Variants in PLEKHG3 observed in about 807,000 individuals in gnomAD.
The protein encoded by PLEKHG3 is pleckstrin homology and RhoGEF domain containing G3.
A neutral mutation model predicts 94.9 loss-of-function variants in PLEKHG3; 62 were observed. That is an observed-to-expected ratio of 0.65 (90% confidence interval 0.53 to 0.81). The LOEUF (loss-of-function observed/expected upper bound fraction) is 0.81. PLEKHG3 is among the 30% of genes least tolerant of loss of function. The pLI is 0.00. For synonymous variants in PLEKHG3, 614 were observed against 654.0 expected, an observed-to-expected ratio of 0.94 and a Z score of 0.93; for missense variants, 1,461 against 1,619.3, an observed-to-expected ratio of 0.90 and a Z score of 1.68.
rs1566686649 is a variant in PLEKHG3 at position 64,704,440 on chromosome 14, G to GCTCCCTCGCTCCCTCGCTCCCTCC, written c.-297_-296insGCTCCCTCGCTCCCTCCCTCCCTC. ...CGCTCCCTCGCTCCCTCGCTCCCTC[G>GCTCCCTCGCTCCCTCGCTCCCTCC]CTCCCTCCTGCCCTCCCGCTGCAGC... On this transcript the variant is annotated 5_prime_UTR_variant, in exon 1 of 17. Transcript: ENST00000247226. This position sits in a 1 kb window ranked among gnomAD's most constrained non-coding sequence, Gnocchi z 5.6. The GCTCCCTCGCTCCCTCGCTCCCTCC allele has an allele frequency of 4.4e-5, 6 of 137,188 alleles. No individual in the cohort carries two copies. The highest frequency in any genetic ancestry group is 1.3e-4 in the African/African-American group (4 of 31,520). The allele number at this position is 137,188 out of a possible 1,614,324, so 8.5% of individuals were successfully genotyped here.
rs2081779523 is a variant in PLEKHG3, at chr14:64,744,148, TA to T, written c.*447del. 1 of 157,076 alleles carries T rather than the reference TA, an allele frequency of 6.4e-6. No homozygotes were observed. The highest frequency in any genetic ancestry group is 6.4e-5 in the Admixed American group (1 of 15,554). The allele number at this position is 157,076 out of a possible 1,614,324, so 9.7% of individuals were successfully genotyped here. On this transcript the variant is annotated 3_prime_UTR_variant, in exon 17 of 17. Coordinates refer to ENST00000247226, the MANE Select transcript of PLEKHG3 (RefSeq NM_001308147.2). ...AGGGTCCAGGCAGGAATGAAGCCAA[TA>T]ATTTATTGCTTTCCATTCTGTGGTA...
chr14:64,742,355 G>C lies in PLEKHG3; in HGVS notation c.2838G>C (p.Arg946Ser), dbSNP rs2081720145. ...RIKSNKPVMARPPLQWEKVAP... is the reference protein window; with the variant it reads ...RIKSNKPVMASPPLQWEKVAP... ...AGAGCAACAAGCCAGTGATGGCCAG[G>C]CCACCACTGCAGTGGGAAAAGGTGG... Residue 946 changes from arginine (R) to serine (S), a missense_variant, in exon 16 of 17, where the codon AGG becomes AGC. Arg to Ser is a moderately radical substitution (Grantham distance 110). Coordinates refer to ENST00000247226, the MANE Select transcript of PLEKHG3 (RefSeq NM_001308147.2). 2 of 1,612,936 alleles carry C rather than the reference G, an allele frequency of 1.2e-6. No individual in the cohort carries two copies. The highest frequency in any genetic ancestry group is 1.7e-5 in the Admixed American group (1 of 60,014).
intron 12 of PLEKHG3, among the ~76,000 whole-genome samples, chr14:64,734,650 A>T (rs2139388103): frequency 6.6e-6 from 1 of 152,288 alleles, no homozygotes; most frequent in East Asian, 1.9e-4. Context: ...TAAGAGTTGG[A>T]TTTTTTCAAA....
chr14:64,738,838 A>T lies in PLEKHG3; in HGVS notation c.1501A>T (p.Ile501Phe). 6.3e-7 allele frequency: 1 copy of T among 1,585,056 alleles called. No individual in the cohort carries two copies. The change falls in exon 15 of 17, where the codon ATT (isoleucine) becomes TTT (phenylalanine). Residue 501 changes from isoleucine (I) to phenylalanine (F), a missense_variant. Ile to Phe is a conservative substitution (Grantham distance 21). This residue lies in a region of PLEKHG3 where 1,201 missense variants were observed against 1,295.5 expected (regional missense o/e 0.93). Transcript: ENST00000247226. The surrounding 1 kb of genome is among the most constrained non-coding windows in gnomAD (Gnocchi z 4.8). Reference sequence around the variant, plus strand: ...TGAGAAGCGCATGAGCTTCGAGTCCATTTCTTCCCTGCCAGAGGTGAGCGA... The same window carrying T: ...TGAGAAGCGCATGAGCTTCGAGTCCTTTTCTTCCCTGCCAGAGGTGAGCGA... Reference protein sequence around the residue: ...STEKRMSFESISSLPEVEPDP... With the variant: ...STEKRMSFESFSSLPEVEPDP...
At chr14:64,733,897 C>T (rs1245436645) in intron 12 of PLEKHG3, among the ~76,000 whole-genome samples, 1 of 152,234 alleles carries the variant, frequency 6.6e-6, no homozygotes, top group African/African-American at 2.4e-5. Flanking sequence ...AAGGACAGGT[C>T]TGGCTTAAGC....
chr14:64,729,516 G>T (rs1179887708), intron 3 of PLEKHG3, among the ~76,000 whole-genome samples: 1 of 152,170 alleles, frequency 6.6e-6, no homozygotes, highest in Non-Finnish European at 1.5e-5. Flanking sequence ...CACAACCCAG[G>T]CAAGACACAT....
At chr14:64,736,732 G>A in intron 12 of PLEKHG3, 121 bp from the exon 13 acceptor site, 1 of 782,026 alleles carries the variant, frequency 1.3e-6, no homozygotes, top group East Asian at 2.5e-5. Flanking sequence ...TATGACTGCA[G>A]GGGGCCAAGC....
At chr14:64,741,008 C>CA in intron 15 of PLEKHG3, 28 bp from the exon 16 acceptor site, 1 of 1,529,430 alleles carries the variant, frequency 6.5e-7, no homozygotes, top group South Asian at 1.3e-5. Context: ...GCTTTTTACT[C>CA]ATGTGAGCCT....
At chr14:64,740,690 C>A (rs1360517748) in intron 15 of PLEKHG3, among the ~76,000 whole-genome samples, 1 of 152,238 alleles carries the variant, frequency 6.6e-6, no homozygotes, top group African/African-American at 2.4e-5. Context: ...CCCCTGGGAA[C>A]CTGGGGCCAT....
Position 64,747,002 on chromosome 14 carries a change from G to A in PLEKHG3, c.*3299G>A, listed in dbSNP as rs1317119498. 2 of 152,792 alleles carry A rather than the reference G, an allele frequency of 1.3e-5. No individual in the cohort carries two copies. Among genetic ancestry groups the A allele is most frequent in the Non-Finnish European group, 2.9e-5 (2 of 68,152 alleles). 9.5% of individuals were successfully genotyped at this position (152,792 alleles called of 1,614,324 possible). On this transcript the variant is annotated 3_prime_UTR_variant, in exon 17 of 17. Transcript: ENST00000247226. Reference sequence around the variant, plus strand: ...GCATTTTCAGTCTAGTTGGTCGAATGTCTTGGAGCCTGGGTGACAGGAGGG... The same window carrying A: ...GCATTTTCAGTCTAGTTGGTCGAATATCTTGGAGCCTGGGTGACAGGAGGG...
At position 64,731,210 on chromosome 14, in the gene PLEKHG3, G is replaced by A; in HGVS notation, c.849+41G>A. On this transcript the variant is annotated intron_variant, in intron 7 of 16. Transcript: ENST00000247226. This position sits in a 1 kb window ranked among gnomAD's most constrained non-coding sequence, Gnocchi z 6.1. Reference sequence around the variant, plus strand: ...GACGCTGGGGGAGGGGCAGGGCTGGGTGGGCCAGGCTTCCGCTGGGAAGAG... The same window carrying A: ...GACGCTGGGGGAGGGGCAGGGCTGGATGGGCCAGGCTTCCGCTGGGAAGAG... 4 of 1,531,440 alleles carry A rather than the reference G, an allele frequency of 2.6e-6. No homozygotes were observed. Among genetic ancestry groups the A allele is most frequent in the Non-Finnish European group, 3.6e-6 (4 of 1,112,164 alleles). The allele number at this position is 1,531,440 out of a possible 1,614,324, so 94.9% of individuals were successfully genotyped here.
At position 64,725,186 on chromosome 14, in the gene PLEKHG3, G is replaced by T. The variant is rs2081328819; in HGVS notation, c.-39-2407G>T. ...CTTTTAGAGACAAATCTCCCTAATG[G>T]TGTGTGTGTTGGGGTAGGGGTGGGG... On this transcript the variant is annotated intron_variant, in intron 1 of 16. Transcript: ENST00000247226. This position sits in a 1 kb window ranked among gnomAD's most constrained non-coding sequence, Gnocchi z 5.0. Among the ~76,000 whole-genome samples the T allele has an allele frequency of 1.3e-5, 2 of 152,194 alleles. No individual in the cohort carries two copies. Among genetic ancestry groups the T allele is most frequent in the African/African-American group, 4.8e-5 (2 of 41,446 alleles).
intron 12 of PLEKHG3, among the ~76,000 whole-genome samples, chr14:64,735,993 A>T (rs2081561881): frequency 6.6e-6 from 1 of 152,260 alleles, no homozygotes; most frequent in African/African-American, 2.4e-5. Context: ...TGTGTGTGTC[A>T]GCAGAAAAGA....
chr14:64,732,242 C>A lies in PLEKHG3; in HGVS notation c.1212+61C>A. The A allele has an allele frequency of 6.8e-7, 1 of 1,472,694 alleles. No individual in the cohort carries two copies. The highest frequency in any genetic ancestry group is 9.5e-7 in the Non-Finnish European group (1 of 1,051,426). The allele number at this position is 1,472,694 out of a possible 1,614,324, so 91.2% of individuals were successfully genotyped here. On this transcript the variant is annotated intron_variant, in intron 10 of 16. Coordinates refer to ENST00000247226, the MANE Select transcript of PLEKHG3 (RefSeq NM_001308147.2). This position sits in a 1 kb window ranked among gnomAD's most constrained non-coding sequence, Gnocchi z 4.9. ...AATGTGCTCCTCTGAGCCAGCTCTG[C>A]AAGGTCCATTGGGGGCTCACCTTCT...
rs1285950972 is a variant in PLEKHG3 at position 64,727,860 on chromosome 14, C to T, written c.229C>T (p.Pro77Ser). The T allele has an allele frequency of 1.2e-6, 2 of 1,613,372 alleles. No individual in the cohort carries two copies. Among genetic ancestry groups the T allele is most frequent in the Non-Finnish European group, 8.5e-7 (1 of 1,179,546 alleles). The change falls in exon 2 of 17, where the codon CCG becomes TCG. Residue 77 changes from proline to serine, a missense_variant. Around this residue, in one of 3 missense-constraint regions of PLEKHG3, gnomAD observed 253 missense variants for 297.8 expected, o/e 0.85. Transcript: ENST00000247226. The surrounding 1 kb of genome is among the most constrained non-coding windows in gnomAD (Gnocchi z 6.0). ...SWLNVKGPLS[P>S]FNSRAAAGPA... ...GTTGAACGTGAAGGGGCCCCTCTCC[C>T]CGTTCAACAGCCGGGCAGCGGCAGG...
At chr14:64,706,709 C>T (rs2080976868) in intron 1 of PLEKHG3, among the ~76,000 whole-genome samples, 1 of 152,262 alleles carries the variant, frequency 6.6e-6, no homozygotes, top group Non-Finnish European at 1.5e-5. Context: ...ATTTGCCTTA[C>T]CAAATCCGCA....
Position 64,750,209 on chromosome 14 carries a change from T to G in PLEKHG3, c.*6506T>G, listed in dbSNP as rs1566730573. On this transcript the variant is annotated 3_prime_UTR_variant, in exon 17 of 17. Transcript: ENST00000247226. ...ACATCCTGATATGGTATCTCTAGAGTCAATTCCTATAGCTTCACCATTAAA... is the reference window on the plus strand; with the variant it reads ...ACATCCTGATATGGTATCTCTAGAGGCAATTCCTATAGCTTCACCATTAAA... 1 of 1,567,600 alleles carries G rather than the reference T, an allele frequency of 6.4e-7. No individual in the cohort carries two copies. Among genetic ancestry groups the G allele is most frequent in the Non-Finnish European group, 8.7e-7 (1 of 1,148,870 alleles).
intron 16 of PLEKHG3, 88 bp downstream of exon 16, chr14:64,742,543 C>T: frequency 1.0e-6 from 1 of 981,514 alleles, no homozygotes; most frequent in Non-Finnish European, 1.5e-6. Flanking sequence ...GGGAAAGTGA[C>T]CTCTAAGGAG....
At chr14:64,735,977 G>A (rs948836829) in intron 12 of PLEKHG3, among the ~76,000 whole-genome samples, 1 of 152,256 alleles carries the variant, frequency 6.6e-6, no homozygotes, top group Non-Finnish European at 1.5e-5. Context: ...GATAGTGTAT[G>A]TATGTTGTGT....
Sources: gnomAD v4.1 joint callset for allele counts (sites outside exome capture counted in the v4.1 genomes callset) on GRCh38, gnomAD v4.1.1 for gene constraint, gnomAD v4.1.1 regional missense constraint, Gnocchi (gnomAD v3.1) non-coding constraint, MANE v1.5 for transcripts, NCBI Gene and HGNC (gene_info 2026-07-23, HGNC 2026-07-21) for gene names.